Variants in PRKN observed in about 807,000 individuals in gnomAD.
PRKN encodes parkin RBR E3 ubiquitin protein ligase.
In PRKN, 56 loss-of-function variants were observed where a neutral mutation model predicts 59.5. The ratio of observed to expected loss-of-function variants is 0.94; its 90% CI spans 0.76 to 1.18. The LOEUF (loss-of-function observed/expected upper bound fraction) is 1.18, where lower values mean the gene tolerates loss of function less well. Ranked by LOEUF, PRKN falls within the 50% of genes most tolerant of loss-of-function variation. PRKN has a pLI of 0.00. For synonymous variants in PRKN, 250 were observed against 222.1 expected, an observed-to-expected ratio of 1.13 and a Z score of -1.12; for missense variants, 657 against 596.4, an observed-to-expected ratio of 1.10 and a Z score of -1.06.
intron 2 of PRKN, among the ~76,000 whole-genome samples, chr6:162,325,269 G>C (rs1328055303): frequency 6.6e-6 from 1 of 152,132 alleles, no homozygotes; most frequent in Non-Finnish European, 1.5e-5. Context: ...ACAAGTTATC[G>C]ATTCTGGGAT....
chr6:162,010,815 G>A (rs866188031), intron 5 of PRKN, among the ~76,000 whole-genome samples: 1 of 6,184 alleles, frequency 1.6e-4, no homozygotes, highest in East Asian at 4.8e-3. Context: ...ATTATATAAT[G>A]TATAATATAT....
chr6:162,476,148 C>T (rs1186524010), intron 1 of PRKN, among the ~76,000 whole-genome samples: 2 of 151,488 alleles, frequency 1.3e-5, no homozygotes, highest in Non-Finnish European at 2.9e-5. Context: ...ACCTCCGCCT[C>T]TCGGTTTCAA....
At chr6:162,654,130 G>C (rs562089626) in intron 1 of PRKN, among the ~76,000 whole-genome samples, 2 of 152,152 alleles carry the variant, frequency 1.3e-5, no homozygotes, top group African/African-American at 4.8e-5. Flanking sequence ...CAGAAGTGTC[G>C]AAAGTTAAGA....
chr6:162,310,859 T>A (rs1302424880), intron 2 of PRKN, among the ~76,000 whole-genome samples: 1 of 151,972 alleles, frequency 6.6e-6, no homozygotes, highest in African/African-American at 2.4e-5. Flanking sequence ...TGACATACCT[T>A]TAGGGTCAAT....
chr6:162,690,694 A>G (rs1183196761), intron 1 of PRKN, among the ~76,000 whole-genome samples: 2 of 152,176 alleles, frequency 1.3e-5, no homozygotes, highest in African/African-American at 4.8e-5. Flanking sequence ...AGATGATTCT[A>G]TAACAACATG....
chr6:162,359,079 A>ATATATATATATAT (rs1554304694), intron 2 of PRKN, among the ~76,000 whole-genome samples: 2 of 83,250 alleles, frequency 2.4e-5, no homozygotes, highest in African/African-American at 1.5e-4. Context: ...AAAAAAAAAA[A>ATATATATATATAT]ATATATATAT....
chr6:161,867,715 A>G (rs917855094), intron 6 of PRKN, among the ~76,000 whole-genome samples: 2 of 151,366 alleles, frequency 1.3e-5, no homozygotes, highest in Non-Finnish European at 2.9e-5. Flanking sequence ...TCTGTCAACT[A>G]TTAGCAATCA....
rs75175602 is a variant in PRKN at position 161,570,066 on chromosome 6, G to A, written c.872-650C>T. Among the ~76,000 whole-genome samples, 172 of 138,312 alleles carry A rather than the reference G, an allele frequency of 1.2e-3. 3 individuals are homozygous for A. The East Asian group carries it at 0.03, about 24-fold the overall frequency. 90.7% of individuals were successfully genotyped at this position (138,312 alleles called of 152,430 possible). ...TTCTCGTTCCACCCAATCAATCCAA[G>A]CTCCTTCAGACTTTCACCTTTTCCT... On this transcript the variant is annotated intron_variant, in intron 7 of 11. Transcript: ENST00000366898.
chr6:162,011,680 T>G (rs1168464086), intron 5 of PRKN, among the ~76,000 whole-genome samples: 1 of 149,982 alleles, frequency 6.7e-6, no homozygotes, highest in Non-Finnish European at 1.5e-5. Context: ...TGTTCCATAG[T>G]GCATATTTAA....
chr6:162,483,559 A>AGGAGGGAAGGAG (rs1554229121), intron 1 of PRKN, among the ~76,000 whole-genome samples: 3 of 150,294 alleles, frequency 2.0e-5, no homozygotes, highest in African/African-American at 7.4e-5. Context: ...GACGTAGGGA[A>AGGAGGGAAGGAG]GGAGGGAGAG....
At chr6:162,371,280 T>G (rs1785752808) in intron 2 of PRKN, among the ~76,000 whole-genome samples, 1 of 152,172 alleles carries the variant, frequency 6.6e-6, no homozygotes, top group Admixed American at 6.5e-5. Context: ...AGCAGCACCC[T>G]GCAGGTAATA....
At chr6:162,478,882 G>C (rs1228116442) in intron 1 of PRKN, among the ~76,000 whole-genome samples, 1 of 152,160 alleles carries the variant, frequency 6.6e-6, no homozygotes, top group East Asian at 1.9e-4. Flanking sequence ...CACTCGTCTA[G>C]GAAACATGGA....
At position 161,552,802 on chromosome 6, in the gene PRKN, T is replaced by TGG. The variant is rs1286877267; in HGVS notation, c.934-3800_934-3799insCC. ...TTTTGTTGTTGTTTTTGTTTTTTGTTTTTTTTTTTTAGACGGAGTCTCGTT... is the reference window on the plus strand; with the variant it reads ...TTTTGTTGTTGTTTTTGTTTTTTGTTGGTTTTTTTTTTAGACGGAGTCTCGTT... On this transcript the variant is annotated intron_variant, in intron 8 of 11. Coordinates refer to ENST00000366898, the MANE Select transcript of PRKN (RefSeq NM_004562.3). The surrounding 1 kb of genome is among the most constrained non-coding windows in gnomAD (Gnocchi z 4.9). Among the ~76,000 whole-genome samples, 1 of 147,904 alleles carries TGG rather than the reference T, an allele frequency of 6.8e-6. No homozygotes were observed. The highest frequency in any genetic ancestry group is 2.5e-5 in the African/African-American group (1 of 40,506).
intron 10 of PRKN, among the ~76,000 whole-genome samples, chr6:161,365,689 G>A (rs60104698): frequency 0.073 from 11,051 of 152,256 alleles, 1,371 homozygotes; most frequent in African/African-American, 0.25. Context: ...AAGGCAGAGT[G>A]GGTATAACTT....
chr6:161,382,029 G>A (rs772565835), intron 10 of PRKN, among the ~76,000 whole-genome samples: 2 of 149,662 alleles, frequency 1.3e-5, no homozygotes, highest in Admixed American at 6.7e-5. Flanking sequence ...GGAGAATGGC[G>A]TGAACCCGGG....
chr6:162,046,534 A>G (rs952156801), intron 5 of PRKN, among the ~76,000 whole-genome samples: 8 of 152,360 alleles, frequency 5.3e-5, no homozygotes, highest in Middle Eastern at 3.4e-3. Flanking sequence ...AGCAGTGTGA[A>G]CACTGTTATT....
rs1367879387 is a variant in PRKN, at chr6:161,562,354, G to C, written c.933+7001C>G. Reference sequence around the variant, plus strand: ...CCTCAACACCATATGGCCCTGGATTGTCTTCTACTTTCCTTGAGGTTCCTT... The same window carrying C: ...CCTCAACACCATATGGCCCTGGATTCTCTTCTACTTTCCTTGAGGTTCCTT... On this transcript the variant is annotated intron_variant, in intron 8 of 11. Transcript: ENST00000366898. The surrounding 1 kb of genome is among the most constrained non-coding windows in gnomAD (Gnocchi z 4.3). 6.6e-6 allele frequency among the ~76,000 whole-genome samples: 1 copy of C among 152,200 alleles called. No individual in the cohort carries two copies. The highest frequency in any genetic ancestry group is 1.5e-5 in the Non-Finnish European group (1 of 68,038).
rs151335385 is a variant in PRKN at position 161,664,851 on chromosome 6, C to T, written c.872-95435G>A. On this transcript the variant is annotated intron_variant, in intron 7 of 11. Transcript: ENST00000366898. ...TCACCCAGGCTGGAGTGTAGTGGTG[C>T]GATCTCAGCTCACTACAAACTCCAG... Among the ~76,000 whole-genome samples, 347 of 148,488 alleles carry T rather than the reference C, an allele frequency of 2.3e-3. 4 individuals are homozygous for T. The highest frequency in any genetic ancestry group is 0.02 in the Admixed American group (291 of 14,906).
intron 6 of PRKN, among the ~76,000 whole-genome samples, chr6:161,841,247 G>A (rs1349020916): frequency 3.3e-5 from 5 of 152,184 alleles, no homozygotes; most frequent in East Asian, 1.9e-4. Context: ...GAGGTTAAGA[G>A]GGAATGAGCA....
Sources: gnomAD v4.1 joint callset for allele counts (sites outside exome capture counted in the v4.1 genomes callset) on GRCh38, gnomAD v4.1.1 for gene constraint, Gnocchi (gnomAD v3.1) non-coding constraint, MANE v1.5 for transcripts, NCBI Gene and HGNC (gene_info 2026-07-23, HGNC 2026-07-21) for gene names.